The following FABP7 variants were observed in gnomAD, a reference collection of about 807,000 sequenced individuals.
FABP7 encodes the protein fatty acid binding protein 7.
In FABP7, 13 loss-of-function variants were observed where a neutral mutation model predicts 14.2. The ratio of observed to expected loss-of-function variants is 0.91; its 90% confidence interval spans 0.59 to 1.45. FABP7 has a LOEUF of 1.45. FABP7 is among the 40% of genes most tolerant of loss of function. The probability of loss-of-function intolerance (pLI) is 0.00; values close to 1 mark genes in which losing one functional copy is unlikely to be tolerated. For synonymous variants in FABP7, 49 were observed against 51.4 expected (o/e 0.95, Z 0.20); for missense variants, 149 against 157.6 (o/e 0.95, Z 0.29).
At chr6:122,753,787 C>CCG in the FABP7 span, among the ~76,000 whole-genome samples, 1 of 83,044 alleles carries the variant, frequency 1.2e-5, no homozygotes, top group African/African-American at 4.9e-5. Flanking sequence ...AAATCCCGCC[C>CCG]CCCCCCCGCC....
Position 122,780,377 on chromosome 6 carries a change from A to T in FABP7, c.160A>T (p.Thr54Ser). The T allele has an allele frequency of 1.2e-6, 2 of 1,614,078 alleles. No individual in the cohort carries two copies. Among genetic ancestry groups the T allele is most frequent in the Non-Finnish European group, 1.7e-6 (2 of 1,180,010 alleles). ...AGAAGGAGACAAAGTGGTCATCAGGACTCTCAGCACATTCAAGAACACGGA... is the reference window on the plus strand; with the variant it reads ...AGAAGGAGACAAAGTGGTCATCAGGTCTCTCAGCACATTCAAGAACACGGA... ...SQEGDKVVIR[T>S]LSTFKNTEIS... The change falls in exon 2 of 4, where the codon ACT becomes TCT. Residue 54 changes from threonine to serine, a missense_variant. By Grantham distance (58) the Thr-to-Ser change is moderately conservative. Coordinates refer to ENST00000368444, the MANE Select transcript of FABP7 (RefSeq NM_001446.5).
chr6:122,757,268 A>AT, the FABP7 span, among the ~76,000 whole-genome samples: 1 of 152,104 alleles, frequency 6.6e-6, no homozygotes, highest in Non-Finnish European at 1.5e-5. Context: ...CAGTATGCTA[A>AT]GTGGAATTAC....
the FABP7 span, among the ~76,000 whole-genome samples, chr6:122,762,452 C>T: frequency 6.6e-6 from 1 of 152,194 alleles, no homozygotes; most frequent in Non-Finnish European, 1.5e-5. Context: ...TGGGCAAAAA[C>T]TGGAAGCATT....
chr6:122,775,852 CAAA>C (rs869215473), upstream of FABP7, among the ~76,000 whole-genome samples: 5 of 148,338 alleles, frequency 3.4e-5, no homozygotes, highest in Admixed American at 3.5e-4. Context: ...AACAAACAAA[CAAA>C]AAACAAATTA....
chr6:122,778,340 T>C (rs1298947941), upstream of FABP7, among the ~76,000 whole-genome samples: 2 of 152,070 alleles, frequency 1.3e-5, no homozygotes, highest in African/African-American at 2.4e-5. Context: ...AAAGTGAAAA[T>C]TGGAAGAAAA....
chr6:122,783,159 A>G (rs768223383), intron 3 of FABP7: 280 of 985,346 alleles, frequency 2.8e-4, no homozygotes, highest in Non-Finnish European at 3.3e-4. Context: ...TTAGAGTAAT[A>G]GAGCTGATGT....
the FABP7 span, among the ~76,000 whole-genome samples, chr6:122,774,006 A>C: frequency 7.9e-5 from 12 of 152,226 alleles, no homozygotes; most frequent in East Asian, 2.1e-3. Context: ...CCCTTATGAG[A>C]CTGTAGATGC....
At chr6:122,751,510 T>C in the FABP7 span, among the ~76,000 whole-genome samples, 2 of 152,216 alleles carry the variant, frequency 1.3e-5, no homozygotes, top group South Asian at 4.1e-4. Context: ...TACTACCACA[T>C]CCTGTCTAAA....
upstream of FABP7, among the ~76,000 whole-genome samples, chr6:122,778,554 C>G (rs917473538): frequency 6.6e-6 from 1 of 152,170 alleles, no homozygotes; most frequent in African/African-American, 2.4e-5. Context: ...GATTCTCCTG[C>G]TCTGTCCCCA....
the FABP7 span, among the ~76,000 whole-genome samples, chr6:122,761,390 G>A: frequency 1.3e-5 from 2 of 152,118 alleles, no homozygotes; most frequent in African/African-American, 4.8e-5. Context: ...AAGAAGTTAG[G>A]TTATCTAAAG....
chr6:122,778,935 A>G (rs901545600), upstream of FABP7, among the ~76,000 whole-genome samples: 1 of 152,046 alleles, frequency 6.6e-6, no homozygotes, highest in African/African-American at 2.4e-5. Flanking sequence ...GATCGGGGGG[A>G]AAAGCATTCT....
the FABP7 span, among the ~76,000 whole-genome samples, chr6:122,763,805 G>A: frequency 1.3e-5 from 2 of 152,148 alleles, no homozygotes; most frequent in Non-Finnish European, 2.9e-5. Context: ...CATCATCACT[G>A]GTCATCAGAG....
At chr6:122,757,294 C>T in the FABP7 span, among the ~76,000 whole-genome samples, 1 of 152,076 alleles carries the variant, frequency 6.6e-6, no homozygotes, top group Non-Finnish European at 1.5e-5. Flanking sequence ...AATCAGTTCT[C>T]CAGCCAAAAG....
intron 3 of FABP7, chr6:122,781,618 C>G (rs1562340243): frequency 9.0e-7 from 1 of 1,108,650 alleles, no homozygotes. Flanking sequence ...AATAAGAGAT[C>G]TTTAAACAGT....
chr6:122,757,191 C>G, the FABP7 span, among the ~76,000 whole-genome samples: 3 of 152,148 alleles, frequency 2.0e-5, no homozygotes, highest in African/African-American at 7.2e-5. Flanking sequence ...ATAGACATCT[C>G]AAACTTATTT....
the FABP7 span, among the ~76,000 whole-genome samples, chr6:122,758,289 G>T: frequency 6.6e-6 from 1 of 151,928 alleles, no homozygotes; most frequent in Non-Finnish European, 1.5e-5. Context: ...TGTATTTTTA[G>T]TAGAGACAAA....
the FABP7 span, among the ~76,000 whole-genome samples, chr6:122,760,543 T>G: frequency 6.6e-6 from 1 of 152,138 alleles, no homozygotes; most frequent in African/African-American, 2.4e-5. Context: ...CTTTGTTTTT[T>G]TTTTCCTTCT....
At chr6:122,760,609 A>G in the FABP7 span, among the ~76,000 whole-genome samples, 2 of 151,824 alleles carry the variant, frequency 1.3e-5, no homozygotes, top group African/African-American at 4.8e-5. Flanking sequence ...ATTTATAGCA[A>G]CTTTTGGCTT....
chr6:122,772,699 A>T, the FABP7 span, among the ~76,000 whole-genome samples: 1 of 152,172 alleles, frequency 6.6e-6, no homozygotes, highest in Non-Finnish European at 1.5e-5. Context: ...GATTACGGGC[A>T]TGAGCCACCA....
Sources: allele counts gnomAD v4.1 joint callset (sites outside exome capture counted in the v4.1 genomes callset), GRCh38; gene constraint gnomAD v4.1.1; transcripts MANE v1.5; gene names NCBI Gene and HGNC (gene_info 2026-07-23, HGNC 2026-07-21).